Variants in SMOX observed in about 807,000 individuals in gnomAD.
SMOX encodes spermine oxidase.
Under a neutral mutation model 51.0 loss-of-function variants are expected in SMOX, and 22 were observed. The observed-to-expected ratio is 0.43, with a 90% CI of 0.31 to 0.62. SMOX has a LOEUF of 0.62. SMOX is among the 20% of genes least tolerant of loss of function. SMOX has a pLI of 0.10. For missense variants in SMOX, 566 were observed against 777.7 expected (o/e 0.73, Z 3.24); for synonymous variants, 282 against 307.8 (o/e 0.92, Z 0.88).
At chr20:4,168,137 A>AG (rs1451384634) in intron 1 of SMOX, among the ~76,000 whole-genome samples, 1 of 125,822 alleles carries the variant, frequency 7.9e-6, no homozygotes. Flanking sequence ...GGGGGTGGGG[A>AG]GGGGGCATGG....
chr20:4,160,945 G>A (rs914173620), intron 1 of SMOX, among the ~76,000 whole-genome samples: 4 of 152,160 alleles, frequency 2.6e-5, no homozygotes, highest in Middle Eastern at 3.2e-3. Context: ...CCCCCTCCCC[G>A]GGGCTGGAGC....
intron 1 of SMOX, among the ~76,000 whole-genome samples, chr20:4,151,396 G>A (rs917404592): frequency 5.3e-5 from 8 of 152,050 alleles, no homozygotes; most frequent in Admixed American, 4.6e-4. Context: ...TCTAAAATTC[G>A]TGATAGCTCT....
In SMOX at chr20:4,181,680, C is replaced by G. The variant is rs950663755; in HGVS notation, c.436-123C>G. The stretch of plus-strand genomic sequence containing the variant: ...AGTGCAACATCGGATCCCTAAGGGA[C>G]AGAGACCAGGGGCTCAGTGCATCCA... On this transcript the variant is annotated intron_variant, in intron 3 of 6. Coordinates refer to ENST00000305958, the MANE Select transcript of SMOX (RefSeq NM_175839.3). The surrounding 1 kb of genome is among the most constrained non-coding windows in gnomAD (Gnocchi z 5.6). 3 of 1,200,270 alleles carry G rather than the reference C, an allele frequency of 2.5e-6. No homozygotes were observed. Among genetic ancestry groups the G allele is most frequent in the Admixed American group, 4.5e-5 (2 of 44,562 alleles). 74.4% of individuals were successfully genotyped at this position (1,200,270 alleles called of 1,614,324 possible). A position where few individuals can be genotyped will look rare whatever the true frequency, so the allele number is the denominator to read the frequency against.
intron 1 of SMOX, among the ~76,000 whole-genome samples, chr20:4,164,108 T>A (rs1464125482): frequency 1.3e-5 from 2 of 152,118 alleles, no homozygotes; most frequent in Non-Finnish European, 1.5e-5. Context: ...GTGACCCTTC[T>A]ATCCTGATCC....
intron 1 of SMOX, among the ~76,000 whole-genome samples, chr20:4,168,430 TC>T (rs1431824479): frequency 2.0e-5 from 3 of 152,080 alleles, no homozygotes; most frequent in Non-Finnish European, 2.9e-5. Flanking sequence ...TCACTCTTCT[TC>T]TCTGGGAAGC....
chr20:4,168,907 T>G (rs182110560), intron 1 of SMOX, among the ~76,000 whole-genome samples: 1 of 123,778 alleles, frequency 8.1e-6, no homozygotes, highest in African/African-American at 3.8e-5. Flanking sequence ...TTTATTTTAT[T>G]TTATTTTATT....
chr20:4,155,796 C>G (rs1765004), intron 1 of SMOX, among the ~76,000 whole-genome samples: 151,184 of 151,960 alleles, frequency 0.99, 75,207 homozygotes, highest in East Asian at 1. Context: ...TTGCTGGAAG[C>G]GGGGTAGCAG....
At chr20:4,174,197 A>G (rs1978644160) in intron 1 of SMOX, among the ~76,000 whole-genome samples, 1 of 152,224 alleles carries the variant, frequency 6.6e-6, no homozygotes, top group South Asian at 2.1e-4. Context: ...TGAGGCTGTG[A>G]AAGACCAACA....
At chr20:4,168,254 C>A in intron 1 of SMOX, among the ~76,000 whole-genome samples, 1 of 152,114 alleles carries the variant, frequency 6.6e-6, no homozygotes, top group Non-Finnish European at 1.5e-5. Context: ...CCCCTGCTGC[C>A]GAGGGCACCA....
chr20:4,185,179 TG>T (rs1216270057), intron 6 of SMOX, among the ~76,000 whole-genome samples: 1 of 152,190 alleles, frequency 6.6e-6, no homozygotes, highest in Non-Finnish European at 1.5e-5. Context: ...ATCAGGACTT[TG>T]TTATTGAGGA....
chr20:4,183,660 C>T lies in SMOX; in HGVS notation c.1530+6C>T, dbSNP rs374643123. ...CAGAGAGCTCAAAGACAGCGGTAAGCGGGGCGTTTGGGGTGAGGAGGGGAG... is the reference window on the plus strand; with the variant it reads ...CAGAGAGCTCAAAGACAGCGGTAAGTGGGGCGTTTGGGGTGAGGAGGGGAG... On this transcript the variant is annotated splice_donor_region_variant and intron_variant, in intron 6 of 6. Coordinates refer to ENST00000305958, the MANE Select transcript of SMOX (RefSeq NM_175839.3). The surrounding 1 kb of genome is among the most constrained non-coding windows in gnomAD (Gnocchi z 4.3). The T allele has an allele frequency of 3.9e-5, 61 of 1,559,382 alleles. No homozygotes were observed. Among genetic ancestry groups the T allele is most frequent in the East Asian group, 9.0e-5 (4 of 44,492 alleles).
Position 4,150,836 on chromosome 20 carries a change from TTTTTTTTTC to T in SMOX, c.-27+1863_-27+1871del, listed in dbSNP as rs1258637242. ...CATCATCTACTCACTTTTTTTTTTTTTTTTTTTTCTTTGAGACGGAGTTTCGCTCTTTTC... is the reference window on the plus strand; with the variant it reads ...CATCATCTACTCACTTTTTTTTTTTTTTTGAGACGGAGTTTCGCTCTTTTC... On this transcript the variant is annotated intron_variant, in intron 1 of 6. Coordinates refer to ENST00000305958, the MANE Select transcript of SMOX (RefSeq NM_175839.3). Among the ~76,000 whole-genome samples, 7 of 137,342 alleles carry T rather than the reference TTTTTTTTTC, an allele frequency of 5.1e-5. No individual in the cohort carries two copies. The East Asian group carries it at 9.0e-4, about 18-fold the overall frequency. The allele number at this position is 137,342 out of a possible 152,430, so 90.1% of individuals were successfully genotyped here. A position where few individuals can be genotyped will look rare whatever the true frequency, so the allele number is the denominator to read the frequency against.
At chr20:4,174,012 C>T (rs772134457) in intron 1 of SMOX, among the ~76,000 whole-genome samples, 2 of 152,248 alleles carry the variant, frequency 1.3e-5, no homozygotes, top group African/African-American at 2.4e-5. Context: ...CCTCTGGTGC[C>T]ATGGGTCCTC....
chr20:4,174,740 C>T (rs556015419), intron 1 of SMOX, among the ~76,000 whole-genome samples: 1 of 152,326 alleles, frequency 6.6e-6, no homozygotes, highest in South Asian at 2.1e-4. Context: ...TCCCAGGTCT[C>T]CTGCCTGCTG....
In SMOX at chr20:4,186,945, A is replaced by G. The variant is rs192968028; in HGVS notation, c.1531-325A>G. ...AACCACCCTCCGAAGTAGGTGGTAT[A>G]AACCCATTTGGAAGATGAGAAAAGC... On this transcript the variant is annotated intron_variant, in intron 6 of 6. Transcript: ENST00000305958. 9 of 643,600 alleles carry G rather than the reference A, an allele frequency of 1.4e-5. No individual in the cohort carries two copies. The Admixed American group carries it at 2.3e-4, about 16-fold the overall frequency. 39.9% of individuals were successfully genotyped at this position (643,600 alleles called of 1,614,324 possible). A position where few individuals can be genotyped will look rare whatever the true frequency, so the allele number is the denominator to read the frequency against.
intron 1 of SMOX, among the ~76,000 whole-genome samples, chr20:4,168,546 GTCTC>G (rs1016187013): frequency 4.0e-5 from 6 of 151,476 alleles, no homozygotes; most frequent in East Asian, 1.9e-4. Context: ...TAGGAGTTTT[GTCTC>G]TCTCTCTCTC....
intron 1 of SMOX, among the ~76,000 whole-genome samples, chr20:4,163,415 G>A (rs1460593290): frequency 6.6e-6 from 1 of 152,216 alleles, no homozygotes; most frequent in Non-Finnish European, 1.5e-5. Flanking sequence ...CGGGGTCTGA[G>A]GCCCTGAGAG....
At position 4,167,921 on chromosome 20, in the gene SMOX, G is replaced by A. The variant is rs986054844; in HGVS notation, c.-26-7109G>A. Among the ~76,000 whole-genome samples, 4 of 152,066 alleles carry A rather than the reference G, an allele frequency of 2.6e-5. No homozygotes were observed. The highest frequency in any genetic ancestry group is 9.7e-5 in the African/African-American group (4 of 41,398). ...CCGCAGACACAGAGCCCCTTTGTCT[G>A]GGCCGTTGTGCAAAGCAGCTGGTCT... is the stretch of plus-strand genomic sequence containing the variant. On this transcript the variant is annotated intron_variant, in intron 1 of 6. Coordinates refer to ENST00000305958, the MANE Select transcript of SMOX (RefSeq NM_175839.3). This position sits in a 1 kb window ranked among gnomAD's most constrained non-coding sequence, Gnocchi z 4.8.
At chr20:4,155,529 C>T (rs1316353169) in intron 1 of SMOX, among the ~76,000 whole-genome samples, 2 of 152,126 alleles carry the variant, frequency 1.3e-5, no homozygotes. Context: ...GGTTCAGGTC[C>T]CTCCAGGGGG....
Sources: gnomAD v4.1 joint callset for allele counts (sites outside exome capture counted in the v4.1 genomes callset) on GRCh38, gnomAD v4.1.1 for gene constraint, Gnocchi (gnomAD v3.1) non-coding constraint, MANE v1.5 for transcripts, NCBI Gene and HGNC (gene_info 2026-07-23, HGNC 2026-07-21) for gene names.